The following MAEL variants were observed in gnomAD, a reference collection of about 807,000 sequenced individuals.
MAEL encodes protein maelstrom homolog.
A neutral mutation model predicts 62.0 loss-of-function variants in MAEL; 46 were observed. The ratio of observed to expected loss-of-function variants is 0.74; its 90% CI spans 0.59 to 0.95. The LOEUF (loss-of-function observed/expected upper bound fraction) is 0.95, where lower values mean the gene tolerates loss of function less well. MAEL is among the 40% of genes least tolerant of loss of function. The pLI, the probability that MAEL is intolerant of heterozygous loss-of-function variation, is 0.00. For missense variants in MAEL, 497 were observed against 526.8 expected (o/e 0.94, Z 0.55); for synonymous variants, 172 against 175.5 (o/e 0.98, Z 0.16).
At chr1:166,987,379 A>G (rs540007820), upstream of MAEL, among the ~76,000 whole-genome samples, 5 of 152,370 alleles carry the variant, frequency 3.3e-5, no homozygotes, top group African/African-American at 4.8e-5. Context: ...ATTCTTGAGT[A>G]GTAGTCTACT....
In MAEL at chr1:166,992,605, C is replaced by T. The variant is rs1664235821; in HGVS notation, c.326-81C>T. 22 of 1,010,876 alleles carry T rather than the reference C, an allele frequency of 2.2e-5. No individual in the cohort carries two copies. In the South Asian group the frequency reaches 3.0e-4, roughly 14 times the overall value. 62.6% of individuals were successfully genotyped at this position (1,010,876 alleles called of 1,614,324 possible). A position where few individuals can be genotyped will look rare whatever the true frequency, so the allele number is the denominator to read the frequency against. On this transcript the variant is annotated intron_variant, in intron 3 of 11. Coordinates refer to ENST00000367872, the MANE Select transcript of MAEL (RefSeq NM_032858.3). ...AGAAAATTGTTCTAAAACATTTTTT[C>T]CCTTCAACTAAAGAGGCTTTTGTGG...
At chr1:167,012,576 A>C (rs1048915848) in intron 8 of MAEL, 2 of 152,240 alleles carry the variant, frequency 1.3e-5, no homozygotes, top group African/African-American at 2.4e-5. Flanking sequence ...AGAAACATAC[A>C]GTACATAATA....
chr1:167,004,193 C>T lies in MAEL; in HGVS notation c.537C>T (p.His179=). The part of the protein sequence containing the change: ...FHCQAASDSS[H]KIPISNFERG... ...TATTTCCCTCAGGTGATTCTAGTCACAAGATTCCTATTTCAAATTTTGAAC... is the reference window on the plus strand; with the variant it reads ...TATTTCCCTCAGGTGATTCTAGTCATAAGATTCCTATTTCAAATTTTGAAC... The change falls in exon 6 of 12, where the codon CAC becomes CAT. Residue 179 remains histidine (H), a synonymous_variant. Transcript: ENST00000367872. 1 of 1,608,084 alleles carries T rather than the reference C, an allele frequency of 6.2e-7. No individual in the cohort carries two copies.
intron 2 of MAEL, chr1:166,990,077 C>T: frequency 4.8e-6 from 2 of 417,928 alleles, no homozygotes; most frequent in Middle Eastern, 6.6e-4. Context: ...TGTTAGGAAA[C>T]CTGTAGACAA....
upstream of MAEL, among the ~76,000 whole-genome samples, chr1:166,986,335 TCA>T (rs1476478366): frequency 6.6e-6 from 1 of 152,166 alleles, no homozygotes. Flanking sequence ...TTATTATAGT[TCA>T]GTCATATCTA....
chr1:167,001,859 A>G (rs144990285), intron 5 of MAEL, among the ~76,000 whole-genome samples: 1,848 of 152,282 alleles, frequency 0.012, 19 homozygotes, highest in Non-Finnish European at 0.02. Context: ...TCAGCTTGCT[A>G]TAGCCTCTGC....
chr1:166,989,137 T>TC (rs1468116165), upstream of MAEL: 8 of 627,138 alleles, frequency 1.3e-5, no homozygotes, highest in African/African-American at 7.4e-5. Context: ...GACGGCGCTC[T>TC]CCCCCCACCT....
At chr1:166,988,885 T>C (rs1256627140), upstream of MAEL, among the ~76,000 whole-genome samples, 1 of 152,222 alleles carries the variant, frequency 6.6e-6, no homozygotes, top group Non-Finnish European at 1.5e-5. Flanking sequence ...GATTGTAAAC[T>C]TGAGGGCAAG....
At chr1:166,988,535 C>T (rs1015205809), upstream of MAEL, among the ~76,000 whole-genome samples, 1 of 151,530 alleles carries the variant, frequency 6.6e-6, no homozygotes, top group Non-Finnish European at 1.5e-5. Context: ...ATTAGAAAAC[C>T]GAGAGAACCA....
intron 8 of MAEL, among the ~76,000 whole-genome samples, chr1:167,006,817 G>T (rs1664934193): frequency 6.6e-6 from 1 of 151,320 alleles, no homozygotes; most frequent in Non-Finnish European, 1.5e-5. Flanking sequence ...TGTATTTTTA[G>T]TAGAGATGTG....
intron 5 of MAEL, among the ~76,000 whole-genome samples, chr1:166,999,803 G>A (rs1416493336): frequency 6.6e-6 from 1 of 152,146 alleles, no homozygotes; most frequent in African/African-American, 2.4e-5. Flanking sequence ...TGAAGCCAGG[G>A]CTCATTTACC....
At position 167,007,599 on chromosome 1, in the gene MAEL, A is replaced by G. The variant is rs66805418; in HGVS notation, c.845+2202A>G. ...TGTGTGTGTGTGTGTGTGTGTGTGT[A>G]TGTACACACACACTCCATATACATC... On this transcript the variant is annotated intron_variant, in intron 8 of 11. Coordinates refer to ENST00000367872, the MANE Select transcript of MAEL (RefSeq NM_032858.3). 3.9e-3 allele frequency among the ~76,000 whole-genome samples: 193 copies of G among 49,352 alleles called. 4 individuals carry two copies. Among genetic ancestry groups the G allele is most frequent in the African/African-American group, 0.011 (64 of 5,742 alleles). The allele number at this position is 49,352 out of a possible 152,430, so 32.4% of individuals were successfully genotyped here.
chr1:166,998,851 G>C (rs536149984), intron 5 of MAEL, among the ~76,000 whole-genome samples: 1 of 151,954 alleles, frequency 6.6e-6, no homozygotes, highest in South Asian at 2.1e-4. Flanking sequence ...GGTAATTCTC[G>C]CAATATTTCA....
intron 8 of MAEL, among the ~76,000 whole-genome samples, chr1:167,006,626 TATATATATATAC>T (rs1180933331): frequency 9.5e-6 from 1 of 105,508 alleles, no homozygotes; most frequent in African/African-American, 3.4e-5. Flanking sequence ...TATATATATA[TATATATATATAC>T]ATTTTTTTTT....
At chr1:167,004,089 C>A in intron 5 of MAEL, 91 bp from the exon 6 acceptor site, 1 of 1,108,208 alleles carries the variant, frequency 9.0e-7, no homozygotes, top group Non-Finnish European at 1.3e-6. Context: ...GTGTGTTACC[C>A]ACTACTCTCT....
rs771582705 is a variant in MAEL at position 166,989,445 on chromosome 1, C to T, written c.93C>T (p.Arg31=). 1.3e-6 allele frequency: 2 copies of T among 1,590,482 alleles called. No homozygotes were observed. Among genetic ancestry groups the T allele is most frequent in the South Asian group, 1.1e-5 (1 of 87,406 alleles). The change falls in exon 1 of 12, where the codon CGC becomes CGT. Residue 31 remains arginine, a synonymous_variant. Coordinates refer to ENST00000367872, the MANE Select transcript of MAEL (RefSeq NM_032858.3). ...ELRRRGLPVA[R]VADAIPYCSS... is the part of the protein sequence containing the mutation. ...GGCGACGAGGCCTGCCTGTGGCTCG[C>T]GTTGCTGATGCCATCCCTTACTGCT...
At chr1:166,981,052 T>A (rs1663745203) in intron 1 of MAEL, among the ~76,000 whole-genome samples, 1 of 152,120 alleles carries the variant, frequency 6.6e-6, no homozygotes, top group African/African-American at 2.4e-5. Flanking sequence ...GGAAGAGAGC[T>A]AGAATGAGAA....
At chr1:166,980,710 AT>A (rs1236079946) in intron 1 of MAEL, among the ~76,000 whole-genome samples, 1 of 152,034 alleles carries the variant, frequency 6.6e-6, no homozygotes, top group East Asian at 1.9e-4. Context: ...TTCTGTTTTT[AT>A]TTCATGGTTA....
chr1:166,978,369 A>G (rs957947579), intron 1 of MAEL, among the ~76,000 whole-genome samples: 1 of 152,174 alleles, frequency 6.6e-6, no homozygotes, highest in Non-Finnish European at 1.5e-5. Context: ...AAGGTGATGA[A>G]GGGTTAATAT....
Sources: gnomAD v4.1 joint callset for allele counts (sites outside exome capture counted in the v4.1 genomes callset) on GRCh38, gnomAD v4.1.1 for gene constraint, MANE v1.5 for transcripts, NCBI Gene and HGNC (gene_info 2026-07-23, HGNC 2026-07-21) for gene names.